The following ERO1B variants were observed in gnomAD, a reference collection of about 807,000 sequenced individuals.
The protein encoded by ERO1B is ERO1-like protein beta.
ERO1B carries 49 observed loss-of-function variants against 75.3 expected under a neutral mutation model. The ratio of observed to expected loss-of-function variants is 0.65; its 90% CI spans 0.52 to 0.83. The LOEUF (loss-of-function observed/expected upper bound fraction) is 0.83, where lower values mean the gene tolerates loss of function less well. Among genes scored for constraint, ERO1B ranks in the 40% least tolerant of loss-of-function variants. The pLI, the probability that ERO1B is intolerant of heterozygous loss-of-function variation, is 0.00. For missense variants in ERO1B, 512 were observed against 560.1 expected (o/e 0.91, Z 0.87); for synonymous variants, 191 against 192.9 (o/e 0.99, Z 0.08).
At chr1:236,236,441 T>G (rs1471923777) in intron 6 of ERO1B, 43 bp from the exon 7 acceptor site, 6 of 1,606,172 alleles carry the variant, frequency 3.7e-6, no homozygotes, top group Non-Finnish European at 5.1e-6. Context: ...TATTTCACCA[T>G]TTATCTAAGA....
At chr1:236,266,248 G>A (rs1665432597) in intron 2 of ERO1B, among the ~76,000 whole-genome samples, 1 of 152,208 alleles carries the variant, frequency 6.6e-6, no homozygotes, top group South Asian at 2.1e-4. Flanking sequence ...CTGCCCAACT[G>A]CATAAAGGCA....
chr1:236,236,635 C>T (rs189814175), intron 6 of ERO1B, among the ~76,000 whole-genome samples: 46 of 152,154 alleles, frequency 3.0e-4, no homozygotes, highest in Non-Finnish European at 6.0e-4. Context: ...CCTTTGGATA[C>T]GCAGTGCTCT....
At chr1:236,223,567 G>C (rs1664209207) in intron 13 of ERO1B, among the ~76,000 whole-genome samples, 1 of 152,172 alleles carries the variant, frequency 6.6e-6, no homozygotes, top group South Asian at 2.1e-4. Context: ...TAAGTTCTTT[G>C]CAGCAGATGG....
chr1:236,244,736 A>C (rs953220092), intron 5 of ERO1B, among the ~76,000 whole-genome samples: 2 of 152,166 alleles, frequency 1.3e-5, no homozygotes, highest in African/African-American at 4.8e-5. Context: ...AAAACATTGA[A>C]TGTGCATCTA....
rs138730314 is a variant in ERO1B at position 236,268,868 on chromosome 1, G to A, written c.222+1007C>T. On this transcript the variant is annotated intron_variant, in intron 2 of 15. Coordinates refer to ENST00000354619, the MANE Select transcript of ERO1B (RefSeq NM_019891.4). The stretch of plus-strand genomic sequence containing the variant: ...GCCACTGCACTCCAGCCTGGGCGAC[G>A]GAGTGAGACTCTGTCTCGAGAGAAA... 1.5e-4 allele frequency among the ~76,000 whole-genome samples: 23 copies of A among 151,370 alleles called. 2 individuals carry two copies. The highest frequency in any genetic ancestry group is 2.2e-4 in the African/African-American group (9 of 41,260).
At chr1:236,235,925 C>A in intron 7 of ERO1B, 90 bp from the exon 8 acceptor site, 1 of 1,151,780 alleles carries the variant, frequency 8.7e-7, no homozygotes, top group Non-Finnish European at 1.2e-6. Context: ...ACTCCCCTCC[C>A]CACCCTCTTT....
At position 236,215,203 on chromosome 1, in the gene ERO1B, A is replaced by G. The variant is rs925026875; in HGVS notation, c.*3313T>C. ...TAGGCCAACTTACAAAATGTCACAAAGGTTCTAGAATCAGTCTTTCTCGTC... is the reference window on the plus strand; with the variant it reads ...TAGGCCAACTTACAAAATGTCACAAGGGTTCTAGAATCAGTCTTTCTCGTC... On this transcript the variant is annotated 3_prime_UTR_variant, in exon 16 of 16. Transcript: ENST00000354619. Among the ~76,000 whole-genome samples, 6 of 152,206 alleles carry G rather than the reference A, an allele frequency of 3.9e-5. 1 individual carries two copies. The highest frequency in any genetic ancestry group is 1.4e-4 in the African/African-American group (6 of 41,460).
chr1:236,242,884 A>G (rs1225587037), intron 6 of ERO1B, among the ~76,000 whole-genome samples: 1 of 152,206 alleles, frequency 6.6e-6, no homozygotes, highest in Non-Finnish European at 1.5e-5. Context: ...TCTTTCTACC[A>G]TTCCAGGGGA....
In ERO1B at chr1:236,281,683, TGC is replaced by T; in HGVS notation, c.99_100del (p.Gln34GlyfsTer7). 3.4e-6 allele frequency: 5 copies of T among 1,476,004 alleles called. No homozygotes were observed. The highest frequency in any genetic ancestry group is 3.6e-6 in the Non-Finnish European group (4 of 1,111,362). 91.4% of individuals were successfully genotyped at this position (1,476,004 alleles called of 1,614,324 possible). ...CGGCCCGCTATCACTCGGGCTTACCTGCGCCTCGACGACGCTCCGCAGGAAGC... is the reference window on the plus strand; with the variant it reads ...CGGCCCGCTATCACTCGGGCTTACCTGCCTCGACGACGCTCCGCAGGAAGC... On this transcript the variant is annotated frameshift_variant and splice_region_variant, in exon 1 of 16. Coordinates refer to ENST00000354619, the MANE Select transcript of ERO1B (RefSeq NM_019891.4). LOFTEE classifies it high-confidence loss of function.
chr1:236,281,264 C>T (rs1398294793), intron 1 of ERO1B, among the ~76,000 whole-genome samples: 1 of 152,168 alleles, frequency 6.6e-6, no homozygotes, highest in Admixed American at 6.5e-5. Flanking sequence ...GTGCCCCCAA[C>T]TCTCAGTCTC....
intron 3 of ERO1B, 45 bp downstream of exon 3, chr1:236,253,377 G>C: frequency 8.4e-7 from 1 of 1,186,054 alleles, no homozygotes; most frequent in Non-Finnish European, 1.2e-6. Context: ...TTTTCTAAAA[G>C]TCCAAGAGAA....
At chr1:236,234,497 T>G (rs10924818) in intron 8 of ERO1B, among the ~76,000 whole-genome samples, 10,400 of 152,286 alleles carry the variant, frequency 0.068, 742 homozygotes, top group East Asian at 0.39. Context: ...TTTATAAAAT[T>G]TTGTTTAATT....
chr1:236,266,328 G>A lies in ERO1B; in HGVS notation c.222+3547C>T, dbSNP rs531248687. Among the ~76,000 whole-genome samples, 3 of 152,322 alleles carry A rather than the reference G, an allele frequency of 2.0e-5. No homozygotes were observed. The South Asian group carries it at 6.2e-4, about 32-fold the overall frequency. On this transcript the variant is annotated intron_variant, in intron 2 of 15. Coordinates refer to ENST00000354619, the MANE Select transcript of ERO1B (RefSeq NM_019891.4). ...TTAAAATTAACTTCTTTTTGGTTGG[G>A]CATGGTGGCTCACGCCTGTAATCCC...
chr1:236,270,915 A>G lies in ERO1B; in HGVS notation c.103-921T>C, dbSNP rs146212689. Reference sequence around the variant, plus strand: ...GGAAATAGTGTGGTTATAAAAGGGCAACAGAAGCAATATTTGTGGTGACAA... The same window carrying G: ...GGAAATAGTGTGGTTATAAAAGGGCGACAGAAGCAATATTTGTGGTGACAA... On this transcript the variant is annotated intron_variant, in intron 1 of 15. Transcript: ENST00000354619. Among the ~76,000 whole-genome samples, 854 of 152,324 alleles carry G rather than the reference A, an allele frequency of 5.6e-3. 9 individuals carry two copies. The highest frequency in any genetic ancestry group is 0.018 in the African/African-American group (744 of 41,578).
At chr1:236,279,857 A>G (rs918353076) in intron 1 of ERO1B, among the ~76,000 whole-genome samples, 6 of 151,888 alleles carry the variant, frequency 4.0e-5, no homozygotes, top group South Asian at 2.1e-4. Context: ...AAAAAAAAAA[A>G]AAAGAAAGTA....
At chr1:236,249,989 T>C in intron 4 of ERO1B, 22 bp from the exon 5 acceptor site, 1 of 1,504,090 alleles carries the variant, frequency 6.6e-7, no homozygotes, top group Non-Finnish European at 9.1e-7. Flanking sequence ...TTCGTAAGTT[T>C]AGTAAAAATT....
intron 5 of ERO1B, among the ~76,000 whole-genome samples, chr1:236,247,312 C>G (rs574724823): frequency 6.6e-6 from 1 of 152,296 alleles, no homozygotes; most frequent in African/African-American, 2.4e-5. Context: ...TTGTCTCAGA[C>G]TTGCTCCTCC....
chr1:236,226,436 T>TTC lies in ERO1B; in HGVS notation c.883_884dup (p.Gly296LysfsTer14). On this transcript the variant is annotated frameshift_variant, in exon 12 of 16. Transcript: ENST00000354619. LOFTEE classifies it high-confidence loss of function. ...AAAGATTCTTGAGCCTTCTTGGACC[T>TTC]TCTCCCTTGGTTTCCACAGGGTCAA... is the stretch of plus-strand genomic sequence containing the variant. The TTC allele has an allele frequency of 6.2e-7, 1 of 1,614,158 alleles. No homozygotes were observed.
intron 1 of ERO1B, 95 bp from the exon 2 acceptor site, chr1:236,270,089 T>G: frequency 1.1e-6 from 1 of 910,094 alleles, no homozygotes; most frequent in Non-Finnish European, 1.6e-6. Flanking sequence ...TTCATTCAAG[T>G]TAGCCGGTAC....
Sources: allele counts gnomAD v4.1 joint callset (sites outside exome capture counted in the v4.1 genomes callset), GRCh38; gene constraint gnomAD v4.1.1; transcripts MANE v1.5; gene names NCBI Gene and HGNC (gene_info 2026-07-23, HGNC 2026-07-21).